Variants in COLEC12 observed in about 807,000 individuals in gnomAD.
COLEC12 encodes collectin-12.
In COLEC12, 33 loss-of-function variants were observed where a neutral mutation model predicts 71.1. The ratio of observed to expected loss-of-function variants is 0.46; its 90% CI spans 0.35 to 0.62. The LOEUF is 0.62. Ranked by LOEUF, COLEC12 falls within the 20% of genes least tolerant of loss-of-function variation. The probability of loss-of-function intolerance (pLI) is 0.00; values close to 1 mark genes in which losing one functional copy is unlikely to be tolerated. For missense variants in COLEC12, 765 were observed against 916.1 expected (o/e 0.84, Z 2.13); for synonymous variants, 350 against 353.0 (o/e 0.99, Z 0.10).
intron 2 of COLEC12, among the ~76,000 whole-genome samples, chr18:396,520 A>T (rs1915575374): frequency 6.6e-6 from 1 of 152,258 alleles, no homozygotes; most frequent in Non-Finnish European, 1.5e-5. Flanking sequence ...TTATGGGTTG[A>T]AAAGTAAAAA....
chr18:465,901 A>C (rs1023861779), intron 2 of COLEC12, among the ~76,000 whole-genome samples: 1 of 151,992 alleles, frequency 6.6e-6, no homozygotes, highest in Non-Finnish European at 1.5e-5. Flanking sequence ...GGCAAAACCC[A>C]GTCTCTACCA....
chr18:376,271 A>G (rs1915111615), intron 2 of COLEC12, among the ~76,000 whole-genome samples: 1 of 152,176 alleles, frequency 6.6e-6, no homozygotes, highest in South Asian at 2.1e-4. Context: ...TGGATCTAAC[A>G]TGGCGTGTGG....
intron 2 of COLEC12, among the ~76,000 whole-genome samples, chr18:380,322 C>T (rs1915202727): frequency 6.6e-6 from 1 of 152,136 alleles, no homozygotes; most frequent in Admixed American, 6.6e-5. Context: ...CTTTCCCCTA[C>T]CTCCTTGCCT....
chr18:469,536 G>A (rs2143750555), intron 2 of COLEC12, among the ~76,000 whole-genome samples: 2 of 152,238 alleles, frequency 1.3e-5, no homozygotes, highest in South Asian at 4.2e-4. Flanking sequence ...CAAGAGTCCT[G>A]CTTGCTTCTA....
At chr18:495,691 C>T (rs1478233862) in intron 1 of COLEC12, among the ~76,000 whole-genome samples, 1 of 152,234 alleles carries the variant, frequency 6.6e-6, no homozygotes, top group Non-Finnish European at 1.5e-5. Context: ...CTACGTTGCT[C>T]ACTCAGTATC....
At chr18:367,980 T>C in intron 2 of COLEC12, among the ~76,000 whole-genome samples, 1 of 152,082 alleles carries the variant, frequency 6.6e-6, no homozygotes, top group East Asian at 1.9e-4. Context: ...GAGAGAAATA[T>C]TTTCATGGGG....
chr18:440,467 C>A (rs1916497122), intron 2 of COLEC12, among the ~76,000 whole-genome samples: 1 of 151,980 alleles, frequency 6.6e-6, no homozygotes, highest in South Asian at 2.1e-4. Flanking sequence ...ACATTGTATA[C>A]ATAAATCAGC....
intron 1 of COLEC12, among the ~76,000 whole-genome samples, chr18:494,182 G>C (rs973399453): frequency 6.6e-6 from 1 of 152,236 alleles, no homozygotes; most frequent in East Asian, 1.9e-4. Context: ...ACTTCCCCAC[G>C]TGGAGCACAA....
At chr18:376,514 G>A (rs997752940) in intron 2 of COLEC12, among the ~76,000 whole-genome samples, 5 of 152,082 alleles carry the variant, frequency 3.3e-5, no homozygotes, top group African/African-American at 9.7e-5. Flanking sequence ...GGCAAGAAGC[G>A]GACAGACTGC....
At chr18:421,416 G>A (rs1016345238) in intron 2 of COLEC12, among the ~76,000 whole-genome samples, 1 of 152,104 alleles carries the variant, frequency 6.6e-6, no homozygotes, top group Non-Finnish European at 1.5e-5. Flanking sequence ...ACAAACAAGT[G>A]AGTTGGGTTT....
intron 1 of COLEC12, among the ~76,000 whole-genome samples, chr18:498,952 G>A (rs1004542053): frequency 6.6e-6 from 1 of 152,142 alleles, no homozygotes; most frequent in Non-Finnish European, 1.5e-5. Flanking sequence ...AAGTTTCAGG[G>A]TTTAAGAACC....
intron 2 of COLEC12, among the ~76,000 whole-genome samples, chr18:388,057 A>G (rs1454835752): frequency 3.3e-5 from 5 of 152,344 alleles, no homozygotes; most frequent in Admixed American, 3.3e-4. Flanking sequence ...GTAGGCAGAC[A>G]GATGTAAGCT....
intron 5 of COLEC12, among the ~76,000 whole-genome samples, chr18:340,373 G>A (rs683256): frequency 0.66 from 100,306 of 151,982 alleles, 33,854 homozygotes; most frequent in East Asian, 0.97. Flanking sequence ...AAGCAGCCCG[G>A]GGTTTGTGCT....
chr18:432,206 A>G (rs1388293732), intron 2 of COLEC12, among the ~76,000 whole-genome samples: 3 of 152,256 alleles, frequency 2.0e-5, no homozygotes, highest in African/African-American at 7.2e-5. Context: ...ACTAACAAAC[A>G]TTTATTGGAT....
intron 3 of COLEC12, among the ~76,000 whole-genome samples, chr18:348,377 G>T (rs1914433236): frequency 1.3e-5 from 2 of 152,158 alleles, no homozygotes; most frequent in Admixed American, 6.5e-5. Context: ...GTTGAGAATT[G>T]TATGTTCTTA....
intron 3 of COLEC12, among the ~76,000 whole-genome samples, chr18:351,234 GACAA>G (rs1567881169): frequency 6.6e-6 from 1 of 151,366 alleles, no homozygotes; most frequent in Admixed American, 6.6e-5. Context: ...TGTGCACTGC[GACAA>G]ACACTCTCTC....
chr18:384,447 T>C (rs1340524501), intron 2 of COLEC12, among the ~76,000 whole-genome samples: 1 of 152,180 alleles, frequency 6.6e-6, no homozygotes, highest in Non-Finnish European at 1.5e-5. Context: ...GGTTGTTACC[T>C]GCAGATAGAT....
chr18:454,542 T>C (rs34123666), intron 2 of COLEC12, among the ~76,000 whole-genome samples: 17,432 of 152,108 alleles, frequency 0.11, 1,382 homozygotes, highest in East Asian at 0.37. Context: ...ATTAGCTGGA[T>C]GTGGTGGCAG....
intron 1 of COLEC12, among the ~76,000 whole-genome samples, chr18:493,098 T>C (rs1468973753): frequency 6.6e-6 from 1 of 152,150 alleles, no homozygotes; most frequent in Admixed American, 6.5e-5. Flanking sequence ...TCCCAGCTAC[T>C]TGGGAGGCTG....
Sources: gnomAD v4.1 joint callset for allele counts (sites outside exome capture counted in the v4.1 genomes callset) on GRCh38, gnomAD v4.1.1 for gene constraint, MANE v1.5 for transcripts, NCBI Gene and HGNC (gene_info 2026-07-23, HGNC 2026-07-21) for gene names.